BCAR3: variants seen among roughly 807,000 people sequenced by gnomAD.
BCAR3 encodes BCAR3 adaptor protein, NSP family member.
Under a neutral mutation model 80.1 loss-of-function variants are expected in BCAR3, and 37 were observed. The observed-to-expected ratio is 0.46, with a 90% CI of 0.36 to 0.61. The LOEUF is 0.61. Among genes scored for constraint, BCAR3 ranks in the 20% least tolerant of loss-of-function variants. BCAR3 has a pLI of 0.00. For missense variants in BCAR3, 978 were observed against 1,068.2 expected (o/e 0.92, Z 1.18); for synonymous variants, 389 against 418.9 (o/e 0.93, Z 0.87).
intron 2 of BCAR3, among the ~76,000 whole-genome samples, chr1:93,798,414 G>T (rs1196405688): frequency 6.6e-6 from 1 of 151,982 alleles, no homozygotes; most frequent in African/African-American, 2.4e-5. Flanking sequence ...AGTCATGTTT[G>T]GAATGTCCAA....
At chr1:93,593,604 G>T (rs812807) in intron 3 of BCAR3, among the ~76,000 whole-genome samples, 1 of 151,812 alleles carries the variant, frequency 6.6e-6, no homozygotes, top group African/African-American at 2.4e-5. Flanking sequence ...CAAACTCCTG[G>T]GCTCAAGCGA....
chr1:93,817,201 T>C (rs1327278819), intron 2 of BCAR3, among the ~76,000 whole-genome samples: 3 of 152,232 alleles, frequency 2.0e-5, no homozygotes, highest in African/African-American at 4.8e-5. Context: ...TTTAGCCTTA[T>C]ATGTGAGCAG....
At chr1:93,780,397 C>T (rs1425808837) in intron 2 of BCAR3, among the ~76,000 whole-genome samples, 2 of 152,178 alleles carry the variant, frequency 1.3e-5, no homozygotes. Flanking sequence ...AATGTCTACA[C>T]TGGGCTGATG....
At chr1:93,634,018 C>T (rs781394618) in intron 3 of BCAR3, among the ~76,000 whole-genome samples, 1 of 152,238 alleles carries the variant, frequency 6.6e-6, no homozygotes, top group Non-Finnish European at 1.5e-5. Flanking sequence ...TGACAGCCAA[C>T]CCCAGTTGGG....
intron 3 of BCAR3, among the ~76,000 whole-genome samples, chr1:93,641,103 G>C (rs1675964519): frequency 1.3e-5 from 2 of 152,182 alleles, no homozygotes; most frequent in Admixed American, 1.3e-4. Context: ...TGCAGGTTTA[G>C]GATTATACAT....
At chr1:93,773,740 T>C (rs888755700) in intron 2 of BCAR3, among the ~76,000 whole-genome samples, 7 of 152,064 alleles carry the variant, frequency 4.6e-5, no homozygotes, top group African/African-American at 1.4e-4. Flanking sequence ...GTTAGTCCAT[T>C]CCCCCACCCC....
chr1:93,584,937 T>C (rs1336099005), intron 5 of BCAR3: 32 of 962,030 alleles, frequency 3.3e-5, no homozygotes, highest in Non-Finnish European at 3.8e-5. Flanking sequence ...CATAAAACAT[T>C]GTTATGTTAC....
At chr1:93,588,172 A>G (rs1674022608) in intron 5 of BCAR3, among the ~76,000 whole-genome samples, 1 of 152,080 alleles carries the variant, frequency 6.6e-6, no homozygotes, top group South Asian at 2.1e-4. Flanking sequence ...CTGCTGCTGG[A>G]CTGTGGCACT....
At chr1:93,729,297 G>A (rs930341504) in intron 2 of BCAR3, among the ~76,000 whole-genome samples, 5 of 151,944 alleles carry the variant, frequency 3.3e-5, no homozygotes, top group African/African-American at 4.8e-5. Flanking sequence ...AAACACTCAC[G>A]TTAGCCTAGA....
At chr1:93,668,141 G>A (rs1648015140) in intron 2 of BCAR3, among the ~76,000 whole-genome samples, 1 of 152,148 alleles carries the variant, frequency 6.6e-6, no homozygotes, top group Non-Finnish European at 1.5e-5. Context: ...GGGTGGGAGT[G>A]AGGAGGGGGC....
chr1:93,562,201 G>C lies in BCAR3; in HGVS notation c.*40C>G. ...AAGCTTTCCCAAAGATGAAGCTGGG[G>C]AAACTTGAAAAGATATTCTAAAGGT... is the stretch of plus-strand genomic sequence containing the variant. On this transcript the variant is annotated 3_prime_UTR_variant, in exon 12 of 12. Transcript: ENST00000260502. 1 of 1,565,954 alleles carries C rather than the reference G, an allele frequency of 6.4e-7. No homozygotes were observed. Among genetic ancestry groups the C allele is most frequent in the Non-Finnish European group, 8.7e-7 (1 of 1,151,574 alleles).
At chr1:93,737,199 G>C (rs1651003519) in intron 2 of BCAR3, among the ~76,000 whole-genome samples, 1 of 152,196 alleles carries the variant, frequency 6.6e-6, no homozygotes, top group Non-Finnish European at 1.5e-5. Flanking sequence ...CAGTGGTGAT[G>C]GTGAAAGTCT....
At position 93,742,583 on chromosome 1, in the gene BCAR3, A is replaced by AT. The variant is rs142878260; in HGVS notation, c.-62-36442dup. ...CACACCTGGGTCTGCTTAAAATGGG[A>AT]TTTTCACCCATTAGAAGCAGTTTTC... On this transcript the variant is annotated intron_variant, in intron 2 of 13. Coordinates refer to the BCAR3 transcript ENST00000370244. Among the ~76,000 whole-genome samples, 164 of 151,596 alleles carry AT rather than the reference A, an allele frequency of 1.1e-3. 1 individual carries two copies. The highest frequency in any genetic ancestry group is 3.8e-3 in the African/African-American group (155 of 41,266).
chr1:93,720,908 C>CCCTG (rs144055379), intron 2 of BCAR3, among the ~76,000 whole-genome samples: 7,097 of 152,180 alleles, frequency 0.047, 540 homozygotes, highest in African/African-American at 0.16. Context: ...TGTCTGCCTG[C>CCCTG]CCTGCCATTA....
At chr1:93,776,485 A>G (rs1454891346) in intron 2 of BCAR3, among the ~76,000 whole-genome samples, 3 of 152,232 alleles carry the variant, frequency 2.0e-5, no homozygotes, top group Admixed American at 1.3e-4. Flanking sequence ...CCATTATTTT[A>G]TTAAATATCT....
intron 2 of BCAR3, among the ~76,000 whole-genome samples, chr1:93,779,900 T>C (rs952952192): frequency 6.6e-6 from 1 of 152,146 alleles, no homozygotes; most frequent in Admixed American, 6.5e-5. Flanking sequence ...CATTTACAAT[T>C]TGGGACCAGC....
intron 2 of BCAR3, among the ~76,000 whole-genome samples, chr1:93,763,246 T>C (rs1652018022): frequency 1.3e-5 from 2 of 152,118 alleles, no homozygotes; most frequent in South Asian, 4.2e-4. Flanking sequence ...AAATGTTTTT[T>C]AGAGTTGGGG....
At chr1:93,737,040 T>C (rs1303321619) in intron 2 of BCAR3, among the ~76,000 whole-genome samples, 1 of 152,210 alleles carries the variant, frequency 6.6e-6, no homozygotes, top group East Asian at 1.9e-4. Context: ...GGTGATCCTT[T>C]TGCACACTCA....
intron 2 of BCAR3, among the ~76,000 whole-genome samples, chr1:93,726,359 C>A (rs72721080): frequency 2.6e-5 from 4 of 152,274 alleles, no homozygotes; most frequent in South Asian, 4.2e-4. Context: ...AGGCATGAGC[C>A]ACCGTGCCTG....
Sources: gnomAD v4.1 joint callset for allele counts (sites outside exome capture counted in the v4.1 genomes callset) on GRCh38, gnomAD v4.1.1 for gene constraint, MANE v1.5 for transcripts, NCBI Gene and HGNC (gene_info 2026-07-23, HGNC 2026-07-21) for gene names.